The following TMEM170B variants were observed in gnomAD, a reference collection of about 807,000 sequenced individuals.
The protein encoded by TMEM170B is transmembrane protein 170B.
Under a neutral mutation model 13.0 loss-of-function variants are expected in TMEM170B, and 6 were observed. That is an observed-to-expected ratio of 0.46 (90% CI 0.25 to 0.91). The LOEUF is 0.91. Among genes scored for constraint, TMEM170B ranks in the 40% least tolerant of loss-of-function variants. The pLI is 0.17. For missense variants in TMEM170B, 138 were observed against 165.2 expected, an observed-to-expected ratio of 0.84 and a Z score of 0.90; for synonymous variants, 61 against 64.9, an observed-to-expected ratio of 0.94 and a Z score of 0.29.
In TMEM170B at chr6:11,582,826, G is replaced by A. The variant is rs887845129; in HGVS notation, c.*7265G>A. On this transcript the variant is annotated 3_prime_UTR_variant, in exon 3 of 3. Transcript: ENST00000379426. ...AGGCATATTTGATGAAGTACCCTGT[G>A]TTATGTGAACACAATTTCCCCTTCT... is the stretch of plus-strand genomic sequence containing the variant. 2.0e-5 allele frequency: 3 copies of A among 152,130 alleles called. No homozygotes were observed. The highest frequency in any genetic ancestry group is 2.1e-4 in the South Asian group (1 of 4,830). 9.4% of individuals were successfully genotyped at this position (152,130 alleles called of 1,614,324 possible).
intron 1 of TMEM170B, among the ~76,000 whole-genome samples, chr6:11,545,280 C>CTCTCTCTGTGTG (rs1442789332): frequency 4.3e-5 from 6 of 139,736 alleles, no homozygotes; most frequent in African/African-American, 1.6e-4. Flanking sequence ...CTCTCTCTCT[C>CTCTCTCTGTGTG]TGTGTGTGTG....
chr6:11,570,587 T>TTTGCCAA (rs1474465862), intron 2 of TMEM170B, among the ~76,000 whole-genome samples: 2 of 152,244 alleles, frequency 1.3e-5, no homozygotes, highest in East Asian at 3.9e-4. Flanking sequence ...AATAATTATT[T>TTTGCCAA]TTGCCAATTG....
chr6:11,572,053 T>A (rs1278274219), intron 2 of TMEM170B, among the ~76,000 whole-genome samples: 4 of 152,156 alleles, frequency 2.6e-5, no homozygotes, highest in African/African-American at 9.7e-5. Context: ...TCTGAGGATA[T>A]GGAGTAACTG....
rs917885182 is a variant in TMEM170B, at chr6:11,538,106, C to T, written c.-172C>T. Among the ~76,000 whole-genome samples, 2 of 151,198 alleles carry T rather than the reference C, an allele frequency of 1.3e-5. No individual in the cohort carries two copies. The highest frequency in any genetic ancestry group is 4.8e-5 in the African/African-American group (2 of 41,310). Reference sequence around the variant, plus strand: ...CCTGGGAGACACGCTGAGCGGCCCCCCCACGGAGGCCCTCCGGCTGCAGCA... The same window carrying T: ...CCTGGGAGACACGCTGAGCGGCCCCTCCACGGAGGCCCTCCGGCTGCAGCA... On this transcript the variant is annotated 5_prime_UTR_variant, in exon 1 of 3. Transcript: ENST00000379426.
chr6:11,538,389 T>A lies in TMEM170B; in HGVS notation c.97+15T>A. On this transcript the variant is annotated intron_variant, in intron 1 of 2. Coordinates refer to ENST00000379426, the MANE Select transcript of TMEM170B (RefSeq NM_001100829.3). Reference sequence around the variant, plus strand: ...GAACCTCACGGGTAATTGACGCGCCTGGGCTGGGGACGGGGATGCGGTCCG... The same window carrying A: ...GAACCTCACGGGTAATTGACGCGCCAGGGCTGGGGACGGGGATGCGGTCCG... The A allele has an allele frequency of 1.3e-6, 2 of 1,498,424 alleles. No homozygotes were observed. Among genetic ancestry groups the A allele is most frequent in the Non-Finnish European group, 1.8e-6 (2 of 1,124,496 alleles). 92.8% of individuals were successfully genotyped at this position (1,498,424 alleles called of 1,614,324 possible). A position where few individuals can be genotyped will look rare whatever the true frequency, so the allele number is the denominator to read the frequency against.
intron 1 of TMEM170B, among the ~76,000 whole-genome samples, chr6:11,563,577 C>T (rs767219805): frequency 9.9e-5 from 15 of 152,192 alleles, no homozygotes; most frequent in Non-Finnish European, 2.9e-5. Context: ...CGGGGGTTCC[C>T]ATTGACCCCT....
intron 1 of TMEM170B, among the ~76,000 whole-genome samples, chr6:11,564,059 T>C (rs1277918671): frequency 2.0e-5 from 3 of 152,274 alleles, no homozygotes; most frequent in Non-Finnish European, 4.4e-5. Context: ...TGTTGTAGCA[T>C]GTGATAAGAT....
At chr6:11,564,350 C>T (rs1035293352) in intron 1 of TMEM170B, among the ~76,000 whole-genome samples, 2 of 152,196 alleles carry the variant, frequency 1.3e-5, no homozygotes, top group Non-Finnish European at 2.9e-5. Flanking sequence ...ACATTCCTAC[C>T]AACAGTAAAT....
chr6:11,564,942 G>T (rs536342533), intron 1 of TMEM170B, among the ~76,000 whole-genome samples: 27 of 152,310 alleles, frequency 1.8e-4, no homozygotes, highest in African/African-American at 6.3e-4. Flanking sequence ...AAGGACATCT[G>T]TGGGAACTAT....
chr6:11,560,290 G>A (rs928136845), intron 1 of TMEM170B, among the ~76,000 whole-genome samples: 2 of 150,430 alleles, frequency 1.3e-5, no homozygotes, highest in Non-Finnish European at 3.0e-5. Context: ...TCAGCCTTCC[G>A]ACTAGCTGGG....
chr6:11,555,377 G>T (rs994316721), intron 1 of TMEM170B, among the ~76,000 whole-genome samples: 1 of 151,848 alleles, frequency 6.6e-6, no homozygotes, highest in Admixed American at 6.6e-5. Context: ...GTGTGTGCGT[G>T]GTTTATTTTT....
intron 1 of TMEM170B, among the ~76,000 whole-genome samples, chr6:11,547,524 A>G (rs1397261479): frequency 1.3e-5 from 2 of 152,220 alleles, no homozygotes; most frequent in Non-Finnish European, 2.9e-5. Context: ...ACTTTTTTAA[A>G]AAATGTGAAA....
intron 1 of TMEM170B, among the ~76,000 whole-genome samples, chr6:11,549,336 C>G (rs1325330883): frequency 6.6e-6 from 1 of 152,020 alleles, no homozygotes; most frequent in Non-Finnish European, 1.5e-5. Flanking sequence ...GTAAAATAAT[C>G]ATAGAATAAA....
Position 11,538,272 on chromosome 6 carries a change from G to T in TMEM170B, c.-6G>T. 7.3e-7 allele frequency: 1 copy of T among 1,363,834 alleles called. No homozygotes were observed. Among genetic ancestry groups the T allele is most frequent in the Non-Finnish European group, 9.5e-7 (1 of 1,056,150 alleles). 84.5% of individuals were successfully genotyped at this position (1,363,834 alleles called of 1,614,324 possible). The stretch of plus-strand genomic sequence containing the variant: ...AGGAGAGGGCGGCGGGCGCCCCTCG[G>T]GGAAGATGAAGGCGGAGGGGGGCGA... On this transcript the variant is annotated 5_prime_UTR_variant, in exon 1 of 3. Coordinates refer to ENST00000379426, the MANE Select transcript of TMEM170B (RefSeq NM_001100829.3).
chr6:11,557,076 G>A (rs958780752), intron 1 of TMEM170B, among the ~76,000 whole-genome samples: 9 of 152,072 alleles, frequency 5.9e-5, no homozygotes, highest in African/African-American at 2.2e-4. Flanking sequence ...ACCCATGCTT[G>A]GTCTTTAACA....
In TMEM170B at chr6:11,575,617, A is replaced by T. The variant is rs1266460289; in HGVS notation, c.*56A>T. The T allele has an allele frequency of 1.3e-6, 2 of 1,595,362 alleles. No individual in the cohort carries two copies. The highest frequency in any genetic ancestry group is 1.7e-6 in the Non-Finnish European group (2 of 1,166,200). ...AGGAAACAGATGTACAGATTCCCTGAAAACGGCATTGTTAACAAGTGGAAA... is the reference window on the plus strand; with the variant it reads ...AGGAAACAGATGTACAGATTCCCTGTAAACGGCATTGTTAACAAGTGGAAA... On this transcript the variant is annotated 3_prime_UTR_variant, in exon 3 of 3. Transcript: ENST00000379426. The surrounding 1 kb of genome is among the most constrained non-coding windows in gnomAD (Gnocchi z 4.1).
At chr6:11,562,813 AT>A (rs1759686106) in intron 1 of TMEM170B, among the ~76,000 whole-genome samples, 1 of 152,198 alleles carries the variant, frequency 6.6e-6, no homozygotes, top group Middle Eastern at 3.2e-3. Context: ...ATACAATTGT[AT>A]CACTTACATG....
chr6:11,561,727 A>G (rs1487096519), intron 1 of TMEM170B, among the ~76,000 whole-genome samples: 1 of 152,210 alleles, frequency 6.6e-6, no homozygotes, highest in Non-Finnish European at 1.5e-5. Flanking sequence ...GAGAGAAAGA[A>G]ATATAAAAGT....
In TMEM170B at chr6:11,575,544, A is replaced by T; in HGVS notation, c.382A>T (p.Ile128Phe). The stretch of plus-strand genomic sequence containing the variant: ...GACATTAATCATCTCCTTTTCAAGG[A>T]TCCTCGCTACACTTTGAGGTTTCTG... ...VLTLIISFSR[I>F]LATL Residue 128 changes from isoleucine to phenylalanine, a missense_variant, in exon 3 of 3, where the codon ATC becomes TTC. Coordinates refer to ENST00000379426, the MANE Select transcript of TMEM170B (RefSeq NM_001100829.3). This position sits in a 1 kb window ranked among gnomAD's most constrained non-coding sequence, Gnocchi z 4.1. 3 of 1,613,080 alleles carry T rather than the reference A, an allele frequency of 1.9e-6. No individual in the cohort carries two copies. In the East Asian group the frequency reaches 6.7e-5, roughly 36 times the overall value.
Sources: gnomAD v4.1 joint callset for allele counts (sites outside exome capture counted in the v4.1 genomes callset) on GRCh38, gnomAD v4.1.1 for gene constraint, Gnocchi (gnomAD v3.1) non-coding constraint, MANE v1.5 for transcripts, NCBI Gene and HGNC (gene_info 2026-07-23, HGNC 2026-07-21) for gene names.